PPFIA2: variants seen among roughly 807,000 people sequenced by gnomAD.
PPFIA2 encodes the protein PPFI scaffold protein A2.
In PPFIA2, 46 loss-of-function variants were observed where a neutral mutation model predicts 175.5. The observed-to-expected ratio is 0.26, with a 90% CI of 0.21 to 0.34. The LOEUF is 0.34. PPFIA2 is among the 10% of genes least tolerant of loss of function. PPFIA2 has a pLI of 1.00. For missense variants in PPFIA2, 1,179 were observed against 1,506.1 expected (o/e 0.78, Z 3.60); for synonymous variants, 568 against 511.4 (o/e 1.11, Z -1.49).
intron 11 of PPFIA2, among the ~76,000 whole-genome samples, chr12:81,373,964 A>C (rs532245430): frequency 6.6e-6 from 1 of 152,052 alleles, no homozygotes; most frequent in Non-Finnish European, 1.5e-5. Context: ...ATATACATAC[A>C]CTTTGAAATG....
chr12:81,554,983 T>A (rs2068590041), intron 4 of PPFIA2, among the ~76,000 whole-genome samples: 1 of 151,986 alleles, frequency 6.6e-6, no homozygotes, highest in Admixed American at 6.6e-5. Context: ...GGGAATAGGA[T>A]CTCAGAGTAC....
intron 4 of PPFIA2, among the ~76,000 whole-genome samples, chr12:81,666,346 G>A (rs987661506): frequency 6.6e-6 from 1 of 152,150 alleles, no homozygotes. Flanking sequence ...CAATAGCAAA[G>A]ACTTGGAACC....
chr12:81,506,520 G>C (rs1188089075), intron 4 of PPFIA2, among the ~76,000 whole-genome samples: 2 of 152,158 alleles, frequency 1.3e-5, no homozygotes, highest in South Asian at 4.2e-4. Context: ...ACAGTATTTG[G>C]TATATACAAA....
chr12:81,454,649 C>T (rs970473668), intron 5 of PPFIA2, among the ~76,000 whole-genome samples: 7 of 152,040 alleles, frequency 4.6e-5, no homozygotes, highest in African/African-American at 1.7e-4. Flanking sequence ...TTTTTCTGAT[C>T]TATTGTTTTT....
chr12:81,266,077 TATA>T (rs989452387), intron 30 of PPFIA2, among the ~76,000 whole-genome samples: 2 of 152,232 alleles, frequency 1.3e-5, no homozygotes, highest in Admixed American at 1.3e-4. Context: ...GAGTGGATTT[TATA>T]ATACCAAGAT....
At chr12:81,532,532 G>T (rs2064740078) in intron 4 of PPFIA2, among the ~76,000 whole-genome samples, 1 of 151,772 alleles carries the variant, frequency 6.6e-6, no homozygotes, top group African/African-American at 2.4e-5. Flanking sequence ...CAAACAAAAG[G>T]CTCTGGGTAG....
chr12:81,364,478 G>A (rs1040003053), intron 14 of PPFIA2, among the ~76,000 whole-genome samples: 1 of 151,724 alleles, frequency 6.6e-6, no homozygotes, highest in Non-Finnish European at 1.5e-5. Flanking sequence ...TGAACTCCAG[G>A]GCTCAAGTAA....
chr12:81,299,350 C>G lies in PPFIA2; in HGVS notation c.2675G>C (p.Gly892Ala). Residue 892 changes from glycine (G) to alanine (A), a missense_variant, in exon 23 of 33, where the codon GGA (glycine) becomes GCA (alanine). This residue lies in a region of PPFIA2 where 44 missense variants were observed against 81.3 expected (regional missense o/e 0.54). Transcript: ENST00000549396. The stretch of plus-strand genomic sequence containing the variant: ...CCCATCCCACTGGGCAAAAGGTAAT[C>G]CCTTTCTCCGAGCTTCTTCAAGAAG... ...HELLEEARRK[G>A]LPFAQWDGPT... 6.3e-7 allele frequency: 1 copy of G among 1,594,810 alleles called. No individual in the cohort carries two copies. The highest frequency in any genetic ancestry group is 8.5e-7 in the Non-Finnish European group (1 of 1,169,866).
chr12:81,279,500 T>C (rs932737489), intron 27 of PPFIA2, among the ~76,000 whole-genome samples: 7 of 152,118 alleles, frequency 4.6e-5, no homozygotes, highest in Admixed American at 2.0e-4. Context: ...AATTATACTA[T>C]ACAGAGGACA....
intron 24 of PPFIA2, among the ~76,000 whole-genome samples, chr12:81,287,997 G>A (rs187235878): frequency 7.0e-4 from 107 of 151,932 alleles, no homozygotes; most frequent in African/African-American, 2.5e-3. Context: ...GCTAGAAAAT[G>A]CAAACCAATA....
chr12:81,731,110 G>T (rs2080842448), intron 3 of PPFIA2, among the ~76,000 whole-genome samples: 1 of 151,582 alleles, frequency 6.6e-6, no homozygotes. Flanking sequence ...CCTACTACAA[G>T]GCTCAGTTGA....
intron 4 of PPFIA2, among the ~76,000 whole-genome samples, chr12:81,654,888 G>T (rs2067539772): frequency 6.6e-6 from 1 of 152,102 alleles, no homozygotes; most frequent in Non-Finnish European, 1.5e-5. Flanking sequence ...TTAATAGGTG[G>T]TATAATTCCT....
At chr12:81,607,909 A>C (rs896419949) in intron 4 of PPFIA2, among the ~76,000 whole-genome samples, 7 of 152,076 alleles carry the variant, frequency 4.6e-5, no homozygotes, top group African/African-American at 1.7e-4. Context: ...TTGCTCATTC[A>C]GTATGATGTT....
chr12:81,352,120 C>A (rs747060113), intron 17 of PPFIA2, among the ~76,000 whole-genome samples: 17 of 151,804 alleles, frequency 1.1e-4, no homozygotes, highest in Non-Finnish European at 2.5e-4. Flanking sequence ...ATTCATAGGC[C>A]GAAGCTGTAA....
At chr12:81,677,247 A>G (rs1282151110) in intron 3 of PPFIA2, among the ~76,000 whole-genome samples, 1 of 151,948 alleles carries the variant, frequency 6.6e-6, no homozygotes, top group Non-Finnish European at 1.5e-5. Context: ...TAATAGTTGT[A>G]CATATTTATG....
At chr12:81,615,253 A>C (rs529224547) in intron 4 of PPFIA2, among the ~76,000 whole-genome samples, 5 of 152,276 alleles carry the variant, frequency 3.3e-5, no homozygotes, top group African/African-American at 1.2e-4. Flanking sequence ...GAGATGGGGA[A>C]GGCTGCAGGA....
At chr12:81,371,691 C>T (rs985845780) in intron 11 of PPFIA2, among the ~76,000 whole-genome samples, 3 of 151,448 alleles carry the variant, frequency 2.0e-5, no homozygotes, top group Non-Finnish European at 4.4e-5. Context: ...AATAAAATAC[C>T]TCATTCAAGA....
chr12:81,346,366 T>A (rs2059069984), intron 18 of PPFIA2, among the ~76,000 whole-genome samples: 1 of 151,884 alleles, frequency 6.6e-6, no homozygotes, highest in African/African-American at 2.4e-5. Context: ...TCTGTTGAGA[T>A]AATGCCCTAC....
chr12:81,638,967 G>A (rs1164322978), intron 4 of PPFIA2, among the ~76,000 whole-genome samples: 3 of 151,992 alleles, frequency 2.0e-5, no homozygotes, highest in Non-Finnish European at 4.4e-5. Context: ...GATTACAGGC[G>A]TGAGCCACCG....
Sources: allele counts gnomAD v4.1 joint callset (sites outside exome capture counted in the v4.1 genomes callset), GRCh38; gene constraint gnomAD v4.1.1; regional missense constraint gnomAD v4.1.1; transcripts MANE v1.5; gene names NCBI Gene and HGNC (gene_info 2026-07-23, HGNC 2026-07-21).